Variants in TMEM132C observed in about 807,000 individuals in gnomAD.
TMEM132C encodes protein phosphatase 1, regulatory subunit 152.
A neutral mutation model predicts 61.4 loss-of-function variants in TMEM132C; 29 were observed. That is an observed-to-expected ratio of 0.47 (90% CI 0.35 to 0.64). TMEM132C has a LOEUF of 0.64. Ranked by LOEUF, TMEM132C falls within the 30% of genes least tolerant of loss-of-function variation. The probability of loss-of-function intolerance (pLI) is 0.00; values close to 1 mark genes in which losing one functional copy is unlikely to be tolerated. For synonymous variants in TMEM132C, 656 were observed against 633.1 expected (o/e 1.04, Z -0.54); for missense variants, 1,408 against 1,476.9 (o/e 0.95, Z 0.76).
intron 3 of TMEM132C, among the ~76,000 whole-genome samples, chr12:128,599,299 C>T (rs1046045165): frequency 6.6e-6 from 1 of 152,226 alleles, no homozygotes; most frequent in Admixed American, 6.5e-5. Context: ...AATTAAATCT[C>T]TGCTGCAGAA....
chr12:128,677,398 A>G (rs1954599405), intron 5 of TMEM132C, among the ~76,000 whole-genome samples: 1 of 152,188 alleles, frequency 6.6e-6, no homozygotes, highest in Non-Finnish European at 1.5e-5. Context: ...AGAGAAGCAG[A>G]TAATAAGAAA....
intron 4 of TMEM132C, among the ~76,000 whole-genome samples, chr12:128,646,304 A>T (rs1168286432): frequency 6.6e-6 from 1 of 151,716 alleles, no homozygotes; most frequent in African/African-American, 2.4e-5. Flanking sequence ...ACTGGAGTCC[A>T]TCAGCGTTGG....
At chr12:128,374,561 C>T (rs1325099407) in intron 1 of TMEM132C, among the ~76,000 whole-genome samples, 1 of 152,112 alleles carries the variant, frequency 6.6e-6, no homozygotes, top group Non-Finnish European at 1.5e-5. Flanking sequence ...CAGCTACTGG[C>T]TCTTCCACTT....
intron 3 of TMEM132C, among the ~76,000 whole-genome samples, chr12:128,603,606 C>T (rs554974897): frequency 6.6e-6 from 1 of 152,140 alleles, no homozygotes; most frequent in Non-Finnish European, 1.5e-5. Flanking sequence ...TAGAGCCAGT[C>T]TACAGATTAC....
intron 1 of TMEM132C, among the ~76,000 whole-genome samples, chr12:128,323,388 G>A (rs1376855165): frequency 6.6e-6 from 1 of 152,242 alleles, no homozygotes; most frequent in Non-Finnish European, 1.5e-5. Context: ...GAGATTGTCA[G>A]GCGTGACGAA....
At chr12:128,589,536 A>T (rs1875677612) in intron 3 of TMEM132C, among the ~76,000 whole-genome samples, 1 of 125,304 alleles carries the variant, frequency 8.0e-6, no homozygotes, top group Non-Finnish European at 1.6e-5. Context: ...CTTATAAGTT[A>T]CCTTCTCTCG....
intron 3 of TMEM132C, among the ~76,000 whole-genome samples, chr12:128,554,053 G>A (rs1273834053): frequency 2.0e-5 from 3 of 152,206 alleles, no homozygotes; most frequent in Admixed American, 1.3e-4. Flanking sequence ...TTCTGTCCAC[G>A]TGATTCAACC....
chr12:128,515,278 T>C (rs1872682285), intron 2 of TMEM132C, among the ~76,000 whole-genome samples: 2 of 152,276 alleles, frequency 1.3e-5, no homozygotes, highest in African/African-American at 4.8e-5. Flanking sequence ...CATTGACAGG[T>C]CTGCACCCGT....
chr12:128,666,079 G>GCACA (rs58554620), intron 4 of TMEM132C, among the ~76,000 whole-genome samples: 53,416 of 100,374 alleles, frequency 0.53, 12,207 homozygotes, highest in African/African-American at 0.63. Flanking sequence ...AAACACACAG[G>GCACA]CACACACACA....
At chr12:128,280,768 A>T (rs866190680) in intron 1 of TMEM132C, among the ~76,000 whole-genome samples, 3 of 152,196 alleles carry the variant, frequency 2.0e-5, no homozygotes, top group Non-Finnish European at 4.4e-5. Context: ...TTGAGGGGTC[A>T]AATATCTCTC....
chr12:128,635,558 T>C (rs935494041), intron 4 of TMEM132C, among the ~76,000 whole-genome samples: 6 of 152,088 alleles, frequency 3.9e-5, no homozygotes, highest in African/African-American at 1.2e-4. Context: ...AAGTGTTCTT[T>C]GTGCCTTCCA....
chr12:128,573,337 C>T (rs1333545596), intron 3 of TMEM132C, among the ~76,000 whole-genome samples: 1 of 151,826 alleles, frequency 6.6e-6, no homozygotes, highest in Non-Finnish European at 1.5e-5. Flanking sequence ...TCATTCTGAG[C>T]AAACTATCAC....
intron 5 of TMEM132C, among the ~76,000 whole-genome samples, chr12:128,676,580 A>C (rs1052529601): frequency 3.3e-5 from 5 of 152,226 alleles, no homozygotes; most frequent in African/African-American, 1.2e-4. Context: ...ACATATACCC[A>C]CATATACAGA....
intron 1 of TMEM132C, among the ~76,000 whole-genome samples, chr12:128,332,004 A>ATAC (rs1187010900): frequency 1.4e-3 from 214 of 152,296 alleles, no homozygotes; most frequent in African/African-American, 4.6e-3. Context: ...TGATAGTTTC[A>ATAC]AGCTCAAGCC....
At chr12:128,562,370 G>T (rs1027488857) in intron 3 of TMEM132C, among the ~76,000 whole-genome samples, 4 of 152,180 alleles carry the variant, frequency 2.6e-5, no homozygotes, top group Non-Finnish European at 4.4e-5. Flanking sequence ...ATGACAGGTT[G>T]TTCCGTAAGG....
At chr12:128,468,015 G>T (rs1870798347) in intron 2 of TMEM132C, among the ~76,000 whole-genome samples, 1 of 152,240 alleles carries the variant, frequency 6.6e-6, no homozygotes, top group Non-Finnish European at 1.5e-5. Context: ...ACATCACTTG[G>T]AGGGGATGGG....
chr12:128,483,323 G>GGGGGAGGGGAGGAGAGGGGA (rs1565949551), intron 2 of TMEM132C, among the ~76,000 whole-genome samples: 206 of 130,208 alleles, frequency 1.6e-3, no homozygotes, highest in Middle Eastern at 3.8e-3. Context: ...GGGAGAGGAG[G>GGGGGAGGGGAGGAGAGGGGA]GGAGGGTGGA....
At chr12:128,686,038 TTC>T (rs1954670824) in intron 5 of TMEM132C, among the ~76,000 whole-genome samples, 2 of 136,890 alleles carry the variant, frequency 1.5e-5, no homozygotes, top group African/African-American at 5.2e-5. Flanking sequence ...TGTGTGTGTA[TTC>T]GCGCGTGTGT....
chr12:128,647,807 C>G (rs930241574), intron 4 of TMEM132C, among the ~76,000 whole-genome samples: 2 of 148,344 alleles, frequency 1.3e-5, no homozygotes, highest in East Asian at 3.9e-4. Flanking sequence ...AGTGTGTTTA[C>G]TGGAGTCCAT....
Sources: gnomAD v4.1 joint callset for allele counts (sites outside exome capture counted in the v4.1 genomes callset) on GRCh38, gnomAD v4.1.1 for gene constraint, MANE v1.5 for transcripts, NCBI Gene and HGNC (gene_info 2026-07-23, HGNC 2026-07-21) for gene names.